The following PAM variants were observed in gnomAD, a reference collection of about 807,000 sequenced individuals.
The protein encoded by PAM is peptidylglycine alpha-amidating monooxygenase, also known as peptidyl-glycine alpha-amidating monooxygenase.
In PAM, 72 loss-of-function variants were observed where a neutral mutation model predicts 122.1. The observed-to-expected ratio is 0.59, with a 90% confidence interval of 0.49 to 0.72. The LOEUF (loss-of-function observed/expected upper bound fraction) is 0.72. PAM is among the 30% of genes least tolerant of loss of function. The pLI is 0.00. For synonymous variants in PAM, 389 were observed against 404.4 expected (o/e 0.96, Z 0.46); for missense variants, 1,106 against 1,183.7 (o/e 0.93, Z 0.96).
At chr5:102,982,584 C>A (rs1482468503) in intron 15 of PAM, among the ~76,000 whole-genome samples, 3 of 152,206 alleles carry the variant, frequency 2.0e-5, no homozygotes, top group Admixed American at 6.5e-5. Flanking sequence ...AAAACTGCAG[C>A]CTAAGCTGCT....
At chr5:102,966,955 G>A (rs966410651) in intron 14 of PAM, among the ~76,000 whole-genome samples, 1 of 151,848 alleles carries the variant, frequency 6.6e-6, no homozygotes, top group African/African-American at 2.4e-5. Flanking sequence ...AATAGCACCT[G>A]CCTCATTAAG....
intron 1 of PAM, among the ~76,000 whole-genome samples, chr5:102,799,826 C>T (rs952836093): frequency 6.6e-6 from 1 of 152,164 alleles, no homozygotes; most frequent in African/African-American, 2.4e-5. Flanking sequence ...CAACTCTACC[C>T]GTCTTTTCTC....
intron 1 of PAM, among the ~76,000 whole-genome samples, chr5:102,814,954 C>T (rs1243047569): frequency 2.0e-5 from 3 of 151,984 alleles, no homozygotes; most frequent in African/African-American, 7.3e-5. Flanking sequence ...CACATGCACA[C>T]ACACGCACCC....
At chr5:102,892,519 T>C (rs1795027956) in intron 3 of PAM, among the ~76,000 whole-genome samples, 1 of 151,852 alleles carries the variant, frequency 6.6e-6, no homozygotes, top group African/African-American at 2.4e-5. Context: ...GTGTTTAATT[T>C]AGTATTATCT....
At chr5:102,798,805 G>T (rs1257131196) in intron 1 of PAM, among the ~76,000 whole-genome samples, 1 of 152,048 alleles carries the variant, frequency 6.6e-6, no homozygotes, top group Non-Finnish European at 1.5e-5. Flanking sequence ...AAGCATGGTG[G>T]GTGAAGGGAA....
chr5:102,898,070 A>G (rs1299810081), intron 3 of PAM, among the ~76,000 whole-genome samples: 2 of 151,648 alleles, frequency 1.3e-5, no homozygotes, highest in African/African-American at 2.4e-5. Context: ...ATAGTAATAA[A>G]GCCTTTTTAT....
chr5:102,815,890 T>C (rs927465821), intron 1 of PAM, among the ~76,000 whole-genome samples: 5 of 152,186 alleles, frequency 3.3e-5, no homozygotes, highest in African/African-American at 1.2e-4. Context: ...ATCTCCTTTA[T>C]AAATTTGGTT....
chr5:102,987,662 T>C, intron 15 of PAM: 2 of 366,982 alleles, frequency 5.4e-6, no homozygotes, highest in South Asian at 4.1e-5. Flanking sequence ...TTCGTACCAA[T>C]AAAACATGTT....
chr5:102,967,573 T>C (rs1764481562), intron 14 of PAM, among the ~76,000 whole-genome samples: 1 of 152,196 alleles, frequency 6.6e-6, no homozygotes, highest in South Asian at 2.1e-4. Flanking sequence ...TGAGAGGGAC[T>C]TTTTTATATA....
At chr5:102,897,069 T>G (rs1373208613) in intron 3 of PAM, among the ~76,000 whole-genome samples, 4 of 151,638 alleles carry the variant, frequency 2.6e-5, no homozygotes, top group Non-Finnish European at 4.4e-5. Context: ...TCCAATTATT[T>G]TCTTCCTCTC....
chr5:102,965,929 C>G (rs1248288245), intron 14 of PAM, among the ~76,000 whole-genome samples: 1 of 151,982 alleles, frequency 6.6e-6, no homozygotes, highest in East Asian at 1.9e-4. Flanking sequence ...TCAAAGCCTG[C>G]TAAAGTTACA....
intron 5 of PAM, among the ~76,000 whole-genome samples, chr5:102,920,000 G>A (rs1009589136): frequency 7.2e-5 from 11 of 152,058 alleles, no homozygotes; most frequent in African/African-American, 2.4e-4. Context: ...AGTACTTTAT[G>A]TTAAATACAG....
intron 11 of PAM, among the ~76,000 whole-genome samples, 192 bp from the exon 12 acceptor site, chr5:102,950,525 A>G (rs1758512020): frequency 6.6e-6 from 1 of 151,966 alleles, no homozygotes; most frequent in Non-Finnish European, 1.5e-5. Flanking sequence ...TGATATATCA[A>G]TAGAATTAAG....
At chr5:102,762,422 T>C (rs1320789921) in intron 1 of PAM, among the ~76,000 whole-genome samples, 1 of 152,218 alleles carries the variant, frequency 6.6e-6, no homozygotes. Flanking sequence ...TGGAGTATGC[T>C]GTTGAAACTG....
intron 15 of PAM, among the ~76,000 whole-genome samples, chr5:102,988,298 GA>G (rs758932401): frequency 4.2e-5 from 6 of 143,188 alleles, no homozygotes; most frequent in Admixed American, 6.7e-5. Flanking sequence ...GCTCCCGTGG[GA>G]AACCTTTTAA....
At chr5:102,999,421 C>T (rs1326903517) in intron 16 of PAM, among the ~76,000 whole-genome samples, 3 of 152,222 alleles carry the variant, frequency 2.0e-5, no homozygotes, top group Non-Finnish European at 4.4e-5. Flanking sequence ...CCTTTCCAGG[C>T]ACATGGTGCA....
At chr5:102,981,610 A>G (rs1769901148) in intron 15 of PAM, among the ~76,000 whole-genome samples, 1 of 152,210 alleles carries the variant, frequency 6.6e-6, no homozygotes, top group African/African-American at 2.4e-5. Context: ...GTTGGTGACA[A>G]AACCATGAAT....
chr5:102,966,127 G>GT (rs1250728946), intron 14 of PAM, among the ~76,000 whole-genome samples: 1 of 151,984 alleles, frequency 6.6e-6, no homozygotes, highest in African/African-American at 2.4e-5. Flanking sequence ...AGAAGATACA[G>GT]TTTTTGTTTG....
At chr5:102,900,439 T>C (rs374339828) in intron 3 of PAM, among the ~76,000 whole-genome samples, 2 of 151,614 alleles carry the variant, frequency 1.3e-5, no homozygotes, top group Non-Finnish European at 3.0e-5. Context: ...TTTTAAGATA[T>C]TTGTTTGATG....
Sources: gnomAD v4.1 joint callset for allele counts (sites outside exome capture counted in the v4.1 genomes callset) on GRCh38, gnomAD v4.1.1 for gene constraint, MANE v1.5 for transcripts, NCBI Gene and HGNC (gene_info 2026-07-23, HGNC 2026-07-21) for gene names.